Variants in NTM observed in about 807,000 individuals in gnomAD.
NTM encodes the protein IgLON family member 2.
In NTM, 13 loss-of-function variants were observed where a neutral mutation model predicts 42.1. That is an observed-to-expected ratio of 0.31 (90% CI 0.20 to 0.49). The LOEUF is 0.49. Among genes scored for constraint, NTM ranks in the 20% least tolerant of loss-of-function variants. NTM has a pLI of 0.99. For missense variants in NTM, 373 were observed against 452.8 expected (o/e 0.82, Z 1.60); for synonymous variants, 187 against 179.2 (o/e 1.04, Z -0.35).
At chr11:131,574,509 G>A (rs538100551) in intron 1 of NTM, among the ~76,000 whole-genome samples, 1 of 152,052 alleles carries the variant, frequency 6.6e-6, no homozygotes, top group African/African-American at 2.4e-5. Context: ...ATCCCCACTG[G>A]GCTACACTGA....
At chr11:131,465,146 A>G (rs991693405) in intron 1 of NTM, among the ~76,000 whole-genome samples, 3 of 152,218 alleles carry the variant, frequency 2.0e-5, no homozygotes, top group African/African-American at 7.2e-5. Context: ...GCACAGTGGC[A>G]TGACCCTCCC....
chr11:131,392,552 T>C (rs1944142830), intron 1 of NTM, among the ~76,000 whole-genome samples: 1 of 152,200 alleles, frequency 6.6e-6, no homozygotes, highest in African/African-American at 2.4e-5. Context: ...GAAGAGCAAA[T>C]TCAATAAAGC....
chr11:132,096,420 T>G (rs1324089702), intron 2 of NTM, among the ~76,000 whole-genome samples: 1 of 152,030 alleles, frequency 6.6e-6, no homozygotes, highest in African/African-American at 2.4e-5. Flanking sequence ...TGTAATTGGG[T>G]TGAAGGGATT....
intron 1 of NTM, among the ~76,000 whole-genome samples, chr11:131,734,337 A>T (rs983504633): frequency 2.0e-5 from 3 of 152,228 alleles, no homozygotes; most frequent in Non-Finnish European, 2.9e-5. Context: ...GAGATCCAGT[A>T]CATTGCCCTT....
chr11:131,563,462 G>A (rs978065450), intron 1 of NTM, among the ~76,000 whole-genome samples: 13 of 152,060 alleles, frequency 8.5e-5, no homozygotes, highest in Admixed American at 6.6e-4. Context: ...TACAAGGCTC[G>A]TCCCTGCTCC....
intron 1 of NTM, among the ~76,000 whole-genome samples, chr11:131,898,783 T>C (rs1306922337): frequency 1.3e-5 from 2 of 152,230 alleles, no homozygotes; most frequent in African/African-American, 4.8e-5. Flanking sequence ...TTTTTCAATC[T>C]CTTGGGCTCT....
intron 1 of NTM, among the ~76,000 whole-genome samples, chr11:131,526,789 T>G (rs2136627761): frequency 6.6e-6 from 1 of 152,318 alleles, no homozygotes; most frequent in East Asian, 1.9e-4. Flanking sequence ...AGCATTTGAT[T>G]TGAATCAGGG....
chr11:131,642,688 A>G (rs1171814873), intron 1 of NTM, among the ~76,000 whole-genome samples: 2 of 152,228 alleles, frequency 1.3e-5, no homozygotes, highest in East Asian at 1.9e-4. Flanking sequence ...GGTCATCCAA[A>G]AAGTTTGGAG....
intron 1 of NTM, among the ~76,000 whole-genome samples, chr11:131,375,910 T>C (rs967158768): frequency 1.3e-5 from 2 of 152,166 alleles, no homozygotes; most frequent in Admixed American, 1.3e-4. Context: ...TCCCATTCTC[T>C]CTCCCTCCTT....
chr11:131,838,781 A>G (rs1184972424), intron 1 of NTM, among the ~76,000 whole-genome samples: 2 of 152,174 alleles, frequency 1.3e-5, no homozygotes, highest in Non-Finnish European at 2.9e-5. Context: ...AGAATACAAA[A>G]AAACATTCCA....
chr11:131,523,532 T>C (rs2136588280), intron 1 of NTM, among the ~76,000 whole-genome samples: 1 of 152,246 alleles, frequency 6.6e-6, no homozygotes, highest in Middle Eastern at 3.4e-3. Flanking sequence ...CTGATTCCTG[T>C]AATCCCAGCA....
intron 4 of NTM, among the ~76,000 whole-genome samples, chr11:132,263,108 T>C (rs1257168921): frequency 6.6e-6 from 1 of 152,198 alleles, no homozygotes; most frequent in African/African-American, 2.4e-5. Context: ...CTTCTTTTGT[T>C]TGATGCTCTG....
At chr11:131,843,597 C>T (rs572335888) in intron 1 of NTM, among the ~76,000 whole-genome samples, 94 of 152,260 alleles carry the variant, frequency 6.2e-4, no homozygotes, top group East Asian at 1.3e-3. Flanking sequence ...CACATGTGAG[C>T]GGGAATTACT....
chr11:131,941,692 T>G (rs1593048358), intron 2 of NTM, among the ~76,000 whole-genome samples: 1 of 152,332 alleles, frequency 6.6e-6, no homozygotes, highest in Non-Finnish European at 1.5e-5. Flanking sequence ...GGGATAACCT[T>G]GTAAAGCACC....
rs990479511 is a variant in NTM at position 131,457,671 on chromosome 11, G to A, written c.82+86783G>A. On this transcript the variant is annotated intron_variant, in intron 1 of 8. Coordinates refer to ENST00000683400, the MANE Select transcript of NTM (RefSeq NM_001352005.2). ...AAATCCGGAGTTCAGGAAGAGATTT[G>A]GACCAAAAATTTTGGAATCATATGT... 3.9e-5 allele frequency among the ~76,000 whole-genome samples: 6 copies of A among 152,150 alleles called. No individual in the cohort carries two copies. The South Asian group carries it at 1.0e-3, about 26-fold the overall frequency.
chr11:131,937,628 TC>T (rs2059364827), intron 2 of NTM, among the ~76,000 whole-genome samples: 1 of 152,232 alleles, frequency 6.6e-6, no homozygotes, highest in Non-Finnish European at 1.5e-5. Context: ...TTAAGCCTCT[TC>T]CCATTTCTCT....
Position 131,953,415 on chromosome 11 carries a change from A to G in NTM, c.167+41767A>G, listed in dbSNP as rs139591231. 6.8e-3 allele frequency among the ~76,000 whole-genome samples: 1,040 copies of G among 152,316 alleles called. 12 individuals carry two copies. The highest frequency in any genetic ancestry group is 0.023 in the African/African-American group (973 of 41,570). ...GTGACTTGAGTATGCGTGTGTGTCTATGTGTATACACACAGTTAATATTGA... is the reference window on the plus strand; with the variant it reads ...GTGACTTGAGTATGCGTGTGTGTCTGTGTGTATACACACAGTTAATATTGA... On this transcript the variant is annotated intron_variant, in intron 2 of 8. Coordinates refer to ENST00000683400, the MANE Select transcript of NTM (RefSeq NM_001352005.2).
At chr11:131,985,242 C>G (rs1012483881) in intron 2 of NTM, among the ~76,000 whole-genome samples, 1 of 152,178 alleles carries the variant, frequency 6.6e-6, no homozygotes, top group Admixed American at 6.5e-5. Flanking sequence ...GAAGTTATCA[C>G]AAGGGACAGT....
intron 2 of NTM, among the ~76,000 whole-genome samples, chr11:131,973,694 G>A (rs151263534): frequency 6.0e-4 from 92 of 152,244 alleles, no homozygotes; most frequent in African/African-American, 2.0e-3. Flanking sequence ...GTGAGCGCCC[G>A]TAATCCCAGC....
Sources: gnomAD v4.1 joint callset for allele counts (sites outside exome capture counted in the v4.1 genomes callset) on GRCh38, gnomAD v4.1.1 for gene constraint, MANE v1.5 for transcripts, NCBI Gene and HGNC (gene_info 2026-07-23, HGNC 2026-07-21) for gene names.